LRRC4C: variants seen among roughly 807,000 people sequenced by gnomAD.
LRRC4C encodes leucine-rich repeat-containing protein 4C.
LRRC4C carries 5 observed loss-of-function variants against 33.6 expected under a neutral mutation model. The observed-to-expected ratio is 0.15, with a 90% CI of 0.08 to 0.31. LRRC4C has a LOEUF of 0.31. Ranked by LOEUF, LRRC4C falls within the 10% of genes least tolerant of loss-of-function variation. The pLI is 1.00. For synonymous variants in LRRC4C, 329 were observed against 302.0 expected (o/e 1.09, Z -0.93); for missense variants, 560 against 796.7 (o/e 0.70, Z 3.58).
chr11:40,316,310 C>T (rs984436757), intron 4 of LRRC4C, among the ~76,000 whole-genome samples: 1 of 151,956 alleles, frequency 6.6e-6, no homozygotes, highest in Non-Finnish European at 1.5e-5. Context: ...AAGTAACAGC[C>T]ACCACAACTT....
intron 3 of LRRC4C, among the ~76,000 whole-genome samples, chr11:40,603,089 C>G (rs988479209): frequency 6.6e-6 from 1 of 152,090 alleles, no homozygotes; most frequent in African/African-American, 2.4e-5. Flanking sequence ...GAATGGCACA[C>G]AGGCACAAGG....
intron 2 of LRRC4C, among the ~76,000 whole-genome samples, chr11:40,751,514 A>G (rs1948691127): frequency 6.6e-6 from 1 of 152,244 alleles, no homozygotes; most frequent in Admixed American, 6.5e-5. Flanking sequence ...TACAATAGCT[A>G]AAAAAGAAAT....
At chr11:40,851,177 G>C (rs1953471333) in intron 2 of LRRC4C, among the ~76,000 whole-genome samples, 1 of 150,780 alleles carries the variant, frequency 6.6e-6, no homozygotes, top group Non-Finnish European at 1.5e-5. Context: ...CTGGGGTATG[G>C]GGGAAAAAAA....
chr11:41,345,882 C>T (rs1207058610), intron 1 of LRRC4C, among the ~76,000 whole-genome samples: 1 of 152,106 alleles, frequency 6.6e-6, no homozygotes, highest in Non-Finnish European at 1.5e-5. Context: ...GTAAAATAAA[C>T]CATATCAAAT....
At chr11:41,228,299 A>G (rs891513419) in intron 1 of LRRC4C, among the ~76,000 whole-genome samples, 1 of 152,082 alleles carries the variant, frequency 6.6e-6, no homozygotes, top group African/African-American at 2.4e-5. Context: ...AGATAGACAG[A>G]CAATCTATAG....
chr11:40,340,636 A>G (rs896339097), intron 3 of LRRC4C, among the ~76,000 whole-genome samples: 1 of 152,176 alleles, frequency 6.6e-6, no homozygotes, highest in East Asian at 1.9e-4. Flanking sequence ...AATTCTTACA[A>G]TTCTACAATA....
chr11:41,231,067 C>CCAT (rs1947770476), intron 1 of LRRC4C, among the ~76,000 whole-genome samples: 1 of 152,176 alleles, frequency 6.6e-6, no homozygotes, highest in Non-Finnish European at 1.5e-5. Context: ...CAATGAGATA[C>CCAT]CATCTCATGT....
chr11:41,021,383 A>G (rs1468831358), intron 1 of LRRC4C, among the ~76,000 whole-genome samples: 1 of 151,998 alleles, frequency 6.6e-6, no homozygotes, highest in East Asian at 1.9e-4. Context: ...TATAGCTCTA[A>G]TGTAAACAAG....
chr11:40,244,104 A>G (rs16934598), intron 4 of LRRC4C, among the ~76,000 whole-genome samples: 8,761 of 152,200 alleles, frequency 0.058, 834 homozygotes, highest in African/African-American at 0.2. Context: ...AGAAGTTTAT[A>G]GTCTGTTTAA....
In LRRC4C at chr11:40,440,780, G is replaced by A. The variant is rs190553356; in HGVS notation, c.-269-121059C>T. On this transcript the variant is annotated intron_variant, in intron 3 of 6. Transcript: ENST00000528697. ...CTAAAATTAACAGATCCTGTACAAC[G>A]CAGCCAACAGTTCTGCTGAGGATGC... Among the ~76,000 whole-genome samples, 182 of 151,970 alleles carry A rather than the reference G, an allele frequency of 1.2e-3. 1 individual carries two copies. The highest frequency in any genetic ancestry group is 4.2e-3 in the African/African-American group (176 of 41,430).
At chr11:40,121,174 C>T (rs907049750) in intron 6 of LRRC4C, among the ~76,000 whole-genome samples, 11 of 152,232 alleles carry the variant, frequency 7.2e-5, no homozygotes, top group Admixed American at 2.6e-4. Context: ...GTAAAACACA[C>T]GCAACAATGA....
At chr11:40,958,039 C>T (rs566137037) in intron 1 of LRRC4C, among the ~76,000 whole-genome samples, 1 of 151,630 alleles carries the variant, frequency 6.6e-6, no homozygotes, top group East Asian at 2.0e-4. Flanking sequence ...AAAAGGGATC[C>T]CAGCTAGCTC....
intron 1 of LRRC4C, among the ~76,000 whole-genome samples, chr11:41,014,463 G>C (rs1247906377): frequency 6.7e-6 from 1 of 149,226 alleles, no homozygotes; most frequent in East Asian, 2.0e-4. Context: ...GTTGATCACA[G>C]TACAGATTAT....
chr11:40,628,972 T>C (rs773593335), intron 3 of LRRC4C, among the ~76,000 whole-genome samples: 13 of 152,190 alleles, frequency 8.5e-5, no homozygotes, highest in Non-Finnish European at 1.9e-4. Flanking sequence ...ATTTTGATTT[T>C]ACTTGTTAAC....
intron 3 of LRRC4C, among the ~76,000 whole-genome samples, chr11:40,495,860 C>T (rs912723980): frequency 1.1e-5 from 1 of 91,574 alleles, no homozygotes; most frequent in Non-Finnish European, 2.0e-5. Flanking sequence ...GAGAGAGTCT[C>T]GCATTATCGC....
intron 1 of LRRC4C, among the ~76,000 whole-genome samples, chr11:41,099,246 T>G (rs1364024741): frequency 6.6e-6 from 1 of 151,864 alleles, no homozygotes; most frequent in African/African-American, 2.4e-5. Flanking sequence ...AGAGCCAAAT[T>G]CAACCAGATA....
chr11:41,317,589 T>C (rs1950833727), intron 1 of LRRC4C, among the ~76,000 whole-genome samples: 2 of 152,124 alleles, frequency 1.3e-5, no homozygotes, highest in Admixed American at 6.5e-5. Flanking sequence ...ACTATTTTCC[T>C]ATAGTTAAAC....
chr11:40,926,784 T>TA (rs1001357085), intron 2 of LRRC4C, among the ~76,000 whole-genome samples: 10 of 151,260 alleles, frequency 6.6e-5, no homozygotes, highest in East Asian at 3.9e-4. Context: ...CCTTAAAAGT[T>TA]AAAAAAAAAT....
chr11:40,669,176 T>A (rs1366615010), intron 2 of LRRC4C, among the ~76,000 whole-genome samples: 1 of 152,218 alleles, frequency 6.6e-6, no homozygotes, highest in Non-Finnish European at 1.5e-5. Context: ...TCTCCTCTTC[T>A]TCTAATCACC....
Sources: gnomAD v4.1 joint callset for allele counts (sites outside exome capture counted in the v4.1 genomes callset) on GRCh38, gnomAD v4.1.1 for gene constraint, MANE v1.5 for transcripts, NCBI Gene and HGNC (gene_info 2026-07-23, HGNC 2026-07-21) for gene names.